The following SPRTN variants were observed in gnomAD, a reference collection of about 807,000 sequenced individuals.
The protein encoded by SPRTN is SprT-like N-terminal domain.
Under a neutral mutation model 31.9 loss-of-function variants are expected in SPRTN, and 11 were observed. The observed-to-expected ratio is 0.34, with a 90% CI of 0.22 to 0.57. SPRTN has a LOEUF of 0.57. SPRTN is among the 20% of genes least tolerant of loss of function. The pLI is 0.86. For missense variants in SPRTN, 482 were observed against 590.1 expected, an observed-to-expected ratio of 0.82 and a Z score of 1.90; for synonymous variants, 185 against 212.1, an observed-to-expected ratio of 0.87 and a Z score of 1.11.
chr1:231,345,272 C>T (rs757679420), intron 2 of SPRTN, among the ~76,000 whole-genome samples: 5 of 151,896 alleles, frequency 3.3e-5, no homozygotes, highest in South Asian at 2.1e-4. Context: ...GGATTACAGG[C>T]GCCCGCCACC....
At chr1:231,342,392 A>G (rs187392337) in intron 2 of SPRTN, among the ~76,000 whole-genome samples, 1 of 152,306 alleles carries the variant, frequency 6.6e-6, no homozygotes, top group Admixed American at 6.5e-5. Flanking sequence ...CAGTGGTCCC[A>G]TAAGATTATA....
intron 1 of SPRTN, among the ~76,000 whole-genome samples, chr1:231,339,006 T>C (rs74143808): frequency 0.029 from 4,388 of 152,294 alleles, 199 homozygotes; most frequent in African/African-American, 0.1. Flanking sequence ...TGTGTTCTCC[T>C]CCTCTATTCC....
intron 4 of SPRTN, 80 bp from the exon 5 acceptor site, chr1:231,352,530 G>A: frequency 4.0e-6 from 6 of 1,510,484 alleles, no homozygotes; most frequent in Admixed American, 2.4e-5. Context: ...TGAGAAAACT[G>A]TACATTAGTT....
In SPRTN at chr1:231,351,398, A is replaced by G. The variant is rs765691184; in HGVS notation, c.545A>G (p.Tyr182Cys). The G allele has an allele frequency of 2.7e-5, 44 of 1,614,146 alleles. No individual in the cohort carries two copies. In the East Asian group the frequency reaches 2.9e-4, roughly 11 times the overall value. The part of the protein sequence containing the change: ...PCQHRPPYYG[Y>C]VKRATNREPS... ...CAGCACAGGCCACCGTATTACGGCTATGTCAAACGAGCTACTAACAGGGAA... is the reference window on the plus strand; with the variant it reads ...CAGCACAGGCCACCGTATTACGGCTGTGTCAAACGAGCTACTAACAGGGAA... Residue 182 changes from tyrosine to cysteine, a missense_variant, in exon 4 of 5, where the codon TAT becomes TGT. Coordinates refer to ENST00000295050, the MANE Select transcript of SPRTN (RefSeq NM_032018.7).
intron 2 of SPRTN, among the ~76,000 whole-genome samples, chr1:231,342,091 A>G (rs1686912138): frequency 6.6e-6 from 1 of 152,180 alleles, no homozygotes; most frequent in Admixed American, 6.6e-5. Flanking sequence ...TACTTGAAGA[A>G]TGTTAACACA....
chr1:231,348,065 A>G, intron 3 of SPRTN, 140 bp downstream of exon 3: 1 of 1,215,246 alleles, frequency 8.2e-7, no homozygotes, highest in Non-Finnish European at 1.1e-6. Flanking sequence ...TAGAGAAGCA[A>G]ATTGGCTTGT....
chr1:231,345,824 G>A (rs979226666), intron 2 of SPRTN, among the ~76,000 whole-genome samples: 1 of 151,916 alleles, frequency 6.6e-6, no homozygotes, highest in African/African-American at 2.4e-5. Context: ...GTTTTTGTGG[G>A]GGTTTTTTGT....
chr1:231,354,997 A>G lies in SPRTN; in HGVS notation c.*1636A>G. ...TTGATATTCCTTAAAGCATTAAAAC[A>G]TTTTAATAAATACTTATAAATAGGT... is the stretch of plus-strand genomic sequence containing the variant. On this transcript the variant is annotated 3_prime_UTR_variant, in exon 5 of 5. Coordinates refer to ENST00000295050, the MANE Select transcript of SPRTN (RefSeq NM_032018.7). 1.2e-6 allele frequency: 1 copy of G among 856,090 alleles called. No homozygotes were observed. The highest frequency in any genetic ancestry group is 1.4e-6 in the Non-Finnish European group (1 of 711,964). The allele number at this position is 856,090 out of a possible 1,614,324, so 53.0% of individuals were successfully genotyped here.
intron 3 of SPRTN, among the ~76,000 whole-genome samples, chr1:231,348,708 T>A (rs964183018): frequency 2.6e-5 from 4 of 152,200 alleles, no homozygotes; most frequent in African/African-American, 9.7e-5. Flanking sequence ...ATGCTTTTCA[T>A]CGTTCCAGTG....
intron 3 of SPRTN, among the ~76,000 whole-genome samples, chr1:231,350,265 G>C (rs1336615358): frequency 1.3e-5 from 2 of 152,128 alleles, no homozygotes; most frequent in Non-Finnish European, 2.9e-5. Flanking sequence ...TTCCCACAAG[G>C]GGAATTTATT....
chr1:231,344,824 G>A (rs1432434423), intron 2 of SPRTN: 1 of 248,374 alleles, frequency 4.0e-6, no homozygotes, highest in South Asian at 4.8e-5. Flanking sequence ...ACAGAAACTT[G>A]TGCATCTTTG....
chr1:231,347,760 C>G, intron 2 of SPRTN, 37 bp from the exon 3 acceptor site: 1 of 1,583,028 alleles, frequency 6.3e-7, no homozygotes, highest in Non-Finnish European at 8.5e-7. Context: ...AAGTGTCATA[C>G]AGACTCTAAA....
chr1:231,349,225 A>G (rs1407518021), intron 3 of SPRTN, among the ~76,000 whole-genome samples: 1 of 152,036 alleles, frequency 6.6e-6, no homozygotes, highest in African/African-American at 2.4e-5. Context: ...TGATCCTCCC[A>G]TCTCAGCCTC....
At chr1:231,351,688 G>C in intron 4 of SPRTN, 117 bp downstream of exon 4, 1 of 1,496,520 alleles carries the variant, frequency 6.7e-7, no homozygotes, top group Non-Finnish European at 8.8e-7. Context: ...TGGTGTAGAA[G>C]TCTTCAAGTG....
chr1:231,338,460 A>G lies in SPRTN; in HGVS notation c.77A>G (p.Gln26Arg). Residue 26 changes from glutamine to arginine, a missense_variant, in exon 1 of 5, where the codon CAG (glutamine) becomes CGG (arginine). Gln to Arg is a conservative substitution (Grantham distance 43, BLOSUM62 1). Coordinates refer to ENST00000295050, the MANE Select transcript of SPRTN (RefSeq NM_032018.7). ...NLQEAERDHA[Q>R]ESLSLVDASW... Reference sequence around the variant, plus strand: ...CAGGAGGCGGAGCGCGATCATGCCCAGGAGTCCCTGTCGCTAGTGGACGCG... The same window carrying G: ...CAGGAGGCGGAGCGCGATCATGCCCGGGAGTCCCTGTCGCTAGTGGACGCG... 1 of 1,614,260 alleles carries G rather than the reference A, an allele frequency of 6.2e-7. No individual in the cohort carries two copies. Among genetic ancestry groups the G allele is most frequent in the East Asian group, 2.2e-5 (1 of 44,892 alleles).
Position 231,354,163 on chromosome 1 carries a change from A to G in SPRTN, c.*802A>G. 1 of 985,020 alleles carries G rather than the reference A, an allele frequency of 1.0e-6. No homozygotes were observed. The highest frequency in any genetic ancestry group is 1.2e-6 in the Non-Finnish European group (1 of 829,532). The allele number at this position is 985,020 out of a possible 1,614,324, so 61.0% of individuals were successfully genotyped here. The stretch of plus-strand genomic sequence containing the variant: ...AACAAAGTTGCCTAGTTGATGTAAC[A>G]GTGGAAAGTTATCTGGAAATAGTAT... On this transcript the variant is annotated 3_prime_UTR_variant, in exon 5 of 5. Transcript: ENST00000295050.
At chr1:231,351,149 T>A (rs1423831567) in intron 3 of SPRTN, among the ~76,000 whole-genome samples, 155 bp from the exon 4 acceptor site, 3 of 150,276 alleles carry the variant, frequency 2.0e-5, no homozygotes, top group African/African-American at 7.4e-5. Context: ...CTAAATATAG[T>A]TGCTTTCTCT....
chr1:231,351,230 GACT>G, intron 3 of SPRTN, 71 bp from the exon 4 acceptor site: 2 of 1,036,510 alleles, frequency 1.9e-6, no homozygotes, highest in Non-Finnish European at 2.4e-6. Context: ...AAAAAAAAAA[GACT>G]GCTTATGTAA....
intron 3 of SPRTN, among the ~76,000 whole-genome samples, chr1:231,350,899 CAATTT>C (rs1400575932): frequency 6.6e-6 from 1 of 152,038 alleles, no homozygotes; most frequent in African/African-American, 2.4e-5. Flanking sequence ...GGGAAAACTT[CAATTT>C]AGCAGTGGGA....
Sources: gnomAD v4.1 joint callset for allele counts (sites outside exome capture counted in the v4.1 genomes callset) on GRCh38, gnomAD v4.1.1 for gene constraint, MANE v1.5 for transcripts, NCBI Gene and HGNC (gene_info 2026-07-23, HGNC 2026-07-21) for gene names.